The following PRKG1 variants were observed in gnomAD, a reference collection of about 807,000 sequenced individuals.
The protein encoded by PRKG1 is cGMP-dependent protein kinase 1.
PRKG1 carries 35 observed loss-of-function variants against 88.1 expected under a neutral mutation model. That is an observed-to-expected ratio of 0.40 (90% confidence interval 0.30 to 0.53). The LOEUF is 0.53. Among genes scored for constraint, PRKG1 ranks in the 20% least tolerant of loss-of-function variants. The probability of loss-of-function intolerance (pLI) is 0.59; values close to 1 mark genes in which losing one functional copy is unlikely to be tolerated. For missense variants in PRKG1, 540 were observed against 839.8 expected, an observed-to-expected ratio of 0.64 and a Z score of 4.41; for synonymous variants, 303 against 292.5, an observed-to-expected ratio of 1.04 and a Z score of -0.37.
chr10:52,036,152 G>A (rs1845604355), intron 5 of PRKG1, among the ~76,000 whole-genome samples: 2 of 152,060 alleles, frequency 1.3e-5, no homozygotes, highest in Non-Finnish European at 2.9e-5. Flanking sequence ...TACAGCCTAG[G>A]TAACTTGCTG....
At chr10:51,860,365 T>G (rs1212462128) in intron 4 of PRKG1, among the ~76,000 whole-genome samples, 1 of 152,230 alleles carries the variant, frequency 6.6e-6, no homozygotes, top group Non-Finnish European at 1.5e-5. Context: ...TGGAATATCA[T>G]CAGAGGCTAG....
chr10:51,751,008 A>G (rs1837710863), intron 3 of PRKG1, among the ~76,000 whole-genome samples: 2 of 152,064 alleles, frequency 1.3e-5, no homozygotes, highest in South Asian at 2.1e-4. Context: ...TTTATCTTCC[A>G]CTCTGTCCCA....
chr10:51,469,678 G>A (rs185316436), intron 3 of PRKG1, among the ~76,000 whole-genome samples: 2 of 151,820 alleles, frequency 1.3e-5, no homozygotes, highest in East Asian at 3.9e-4. Context: ...CTCTTTTGGG[G>A]TCAGAACATC....
intron 3 of PRKG1, among the ~76,000 whole-genome samples, chr10:51,608,344 A>G (rs943752435): frequency 2.6e-5 from 4 of 152,162 alleles, no homozygotes; most frequent in South Asian, 2.1e-4. Context: ...TAGAGTTTTT[A>G]TGGGTTTTGG....
chr10:51,365,848 C>CA (rs1842577018), intron 2 of PRKG1, among the ~76,000 whole-genome samples: 1 of 151,696 alleles, frequency 6.6e-6, no homozygotes, highest in African/African-American at 2.4e-5. Flanking sequence ...AACTTATCCC[C>CA]AAGTAATCTT....
chr10:51,618,161 G>C (rs1404735976), intron 3 of PRKG1, among the ~76,000 whole-genome samples: 1 of 152,110 alleles, frequency 6.6e-6, no homozygotes. Context: ...TTCTATCTTG[G>C]CTTCAGAGAT....
At position 51,407,592 on chromosome 10, in the gene PRKG1, T is replaced by C. The variant is rs796233657; in HGVS notation, c.479-60131T>C. 2.0e-5 allele frequency among the ~76,000 whole-genome samples: 3 copies of C among 152,340 alleles called. 1 individual carries two copies. The highest frequency in any genetic ancestry group is 7.2e-5 in the African/African-American group (3 of 41,594). On this transcript the variant is annotated intron_variant, in intron 2 of 17. Coordinates refer to ENST00000373980, the MANE Select transcript of PRKG1 (RefSeq NM_006258.4). ...TTGTGGATGGTATTGAGGGTTACCT[T>C]CTTCTACTACCCATTCTGTATTGCC... is the stretch of plus-strand genomic sequence containing the variant.
intron 7 of PRKG1, among the ~76,000 whole-genome samples, chr10:52,103,326 C>T (rs1312072040): frequency 6.6e-6 from 1 of 152,044 alleles, no homozygotes; most frequent in Non-Finnish European, 1.5e-5. Flanking sequence ...TACACTGTGC[C>T]TGCCTCTCCT....
At chr10:51,431,919 A>G (rs533558595) in intron 2 of PRKG1, among the ~76,000 whole-genome samples, 1 of 152,314 alleles carries the variant, frequency 6.6e-6, no homozygotes, top group African/African-American at 2.4e-5. Context: ...TTTACCACAT[A>G]TGGAAAAATA....
At chr10:52,029,476 G>A (rs1053475936) in intron 5 of PRKG1, among the ~76,000 whole-genome samples, 4 of 152,176 alleles carry the variant, frequency 2.6e-5, no homozygotes, top group Admixed American at 1.3e-4. Flanking sequence ...TTCAGAGGAA[G>A]CACCAGTAGA....
chr10:51,972,146 G>A (rs1299450525), intron 5 of PRKG1, among the ~76,000 whole-genome samples: 2 of 152,042 alleles, frequency 1.3e-5, no homozygotes, highest in African/African-American at 4.8e-5. Context: ...TGATATGTAT[G>A]AGCATGTGTA....
intron 3 of PRKG1, among the ~76,000 whole-genome samples, chr10:51,706,116 A>G (rs1353783556): frequency 6.6e-6 from 1 of 152,246 alleles, no homozygotes; most frequent in Non-Finnish European, 1.5e-5. Flanking sequence ...TTGCAGGACT[A>G]TAGTTAAACT....
At chr10:51,276,352 T>C (rs549434729) in intron 2 of PRKG1, among the ~76,000 whole-genome samples, 37 of 152,366 alleles carry the variant, frequency 2.4e-4, no homozygotes, top group African/African-American at 8.9e-4. Flanking sequence ...ATTTTCTTAA[T>C]ACAGTCCATC....
chr10:51,516,296 T>A (rs1841580709), intron 3 of PRKG1, among the ~76,000 whole-genome samples: 1 of 152,144 alleles, frequency 6.6e-6, no homozygotes, highest in African/African-American at 2.4e-5. Flanking sequence ...GTCTAGCTGC[T>A]GTCTCCGAAG....
intron 3 of PRKG1, among the ~76,000 whole-genome samples, chr10:51,471,289 G>A (rs1157543188): frequency 6.6e-6 from 1 of 151,804 alleles, no homozygotes; most frequent in East Asian, 1.9e-4. Flanking sequence ...GGTTTCCACA[G>A]TACCAATTAA....
rs1842387792 is a variant in PRKG1 at position 52,296,579 on chromosome 10, T to C, written c.*2679T>C. 6.6e-6 allele frequency: 1 copy of C among 152,060 alleles called. No homozygotes were observed. Among genetic ancestry groups the C allele is most frequent in the African/African-American group, 2.4e-5 (1 of 41,440 alleles). The allele number at this position is 152,060 out of a possible 1,614,324, so 9.4% of individuals were successfully genotyped here. A position where few individuals can be genotyped will look rare whatever the true frequency, so the allele number is the denominator to read the frequency against. On this transcript the variant is annotated 3_prime_UTR_variant, in exon 18 of 18. Coordinates refer to ENST00000373980, the MANE Select transcript of PRKG1 (RefSeq NM_006258.4). ...TTCTGAATTTTTCACAACCCCTCTA[T>C]TTTCTTACATTAAAGAACATCTGGA... is the stretch of plus-strand genomic sequence containing the variant.
chr10:51,904,327 TA>T (rs1244640484), intron 4 of PRKG1, among the ~76,000 whole-genome samples: 1 of 152,178 alleles, frequency 6.6e-6, no homozygotes, highest in Non-Finnish European at 1.5e-5. Flanking sequence ...TTCAGTTTTC[TA>T]AAGGATAGAA....
At chr10:51,284,155 T>G (rs1259998883) in intron 2 of PRKG1, among the ~76,000 whole-genome samples, 3 of 152,230 alleles carry the variant, frequency 2.0e-5, no homozygotes, top group African/African-American at 7.2e-5. Flanking sequence ...TTGCTCACAT[T>G]AAATCAAGGG....
intron 2 of PRKG1, among the ~76,000 whole-genome samples, chr10:51,357,891 G>A (rs1842399738): frequency 6.6e-6 from 1 of 151,644 alleles, no homozygotes; most frequent in Non-Finnish European, 1.5e-5. Context: ...TGTTTATAAG[G>A]CATTTTGGTA....
Sources: allele counts gnomAD v4.1 joint callset (sites outside exome capture counted in the v4.1 genomes callset), GRCh38; gene constraint gnomAD v4.1.1; transcripts MANE v1.5; gene names NCBI Gene and HGNC (gene_info 2026-07-23, HGNC 2026-07-21).